Variants in ASTN2 observed in about 807,000 individuals in gnomAD.
ASTN2 encodes the protein astrotactin 2.
Under a neutral mutation model 139.8 loss-of-function variants are expected in ASTN2, and 54 were observed. The observed-to-expected ratio is 0.39, with a 90% confidence interval of 0.31 to 0.48. The LOEUF (loss-of-function observed/expected upper bound fraction) is 0.48. Among genes scored for constraint, ASTN2 ranks in the 20% least tolerant of loss-of-function variants. The pLI, the probability that ASTN2 is intolerant of heterozygous loss-of-function variation, is 0.95. For synonymous variants in ASTN2, 756 were observed against 719.5 expected, an observed-to-expected ratio of 1.05 and a Z score of -0.81; for missense variants, 1,565 against 1,725.1, an observed-to-expected ratio of 0.91 and a Z score of 1.64.
intron 3 of ASTN2, among the ~76,000 whole-genome samples, chr9:117,202,011 A>G (rs568531262): frequency 6.6e-6 from 1 of 152,280 alleles, no homozygotes; most frequent in African/African-American, 2.4e-5. Context: ...TGTTTTATGA[A>G]TCTGGGTGCT....
chr9:117,008,894 C>G (rs989222797), intron 6 of ASTN2, among the ~76,000 whole-genome samples: 1 of 151,928 alleles, frequency 6.6e-6, no homozygotes, highest in Non-Finnish European at 1.5e-5. Flanking sequence ...ATAAGAAAGA[C>G]AGAAAGATAT....
In ASTN2 at chr9:116,925,866, A is replaced by ACG. The variant is rs772432708; in HGVS notation, c.1889+49341_1889+49342insCG. Among the ~76,000 whole-genome samples the ACG allele has an allele frequency of 6.5e-5, 6 of 91,916 alleles. No individual in the cohort carries two copies. The East Asian group carries it at 1.2e-3, about 19-fold the overall frequency. The allele number at this position is 91,916 out of a possible 152,430, so 60.3% of individuals were successfully genotyped here. ...TGCAAGGAGATACACAACACAACAC[A>ACG]CACACACACACACACACACACACAT... is the stretch of plus-strand genomic sequence containing the variant. On this transcript the variant is annotated intron_variant, in intron 10 of 22. Coordinates refer to ENST00000313400, the MANE Select transcript of ASTN2 (RefSeq NM_001365068.1).
At chr9:116,657,714 G>A (rs897272606) in intron 16 of ASTN2, among the ~76,000 whole-genome samples, 1 of 152,146 alleles carries the variant, frequency 6.6e-6, no homozygotes, top group Non-Finnish European at 1.5e-5. Flanking sequence ...GTTGGCACAC[G>A]CCTGTAATCT....
rs7518 is a variant in ASTN2, at chr9:116,425,560, C to T, written c.*291G>A. On this transcript the variant is annotated 3_prime_UTR_variant, in exon 23 of 23. Transcript: ENST00000313400. Reference sequence around the variant, plus strand: ...GGTCTCCACCTGAAAACTTCTGCCTCGGGATTGACAGCCATCCATAAGAAA... The same window carrying T: ...GGTCTCCACCTGAAAACTTCTGCCTTGGGATTGACAGCCATCCATAAGAAA... The T allele has an allele frequency of 0.25, 395,732 of 1,610,896 alleles. 49,631 individuals carry two copies. Among genetic ancestry groups the T allele is most frequent in the Middle Eastern group, 0.31 (1,884 of 6,050 alleles).
At chr9:116,910,828 A>T (rs1834290078) in intron 10 of ASTN2, among the ~76,000 whole-genome samples, 1 of 152,210 alleles carries the variant, frequency 6.6e-6, no homozygotes, top group Non-Finnish European at 1.5e-5. Context: ...GGAGTTTTGC[A>T]TGGAGAGAAG....
intron 1 of ASTN2, among the ~76,000 whole-genome samples, chr9:117,357,558 G>C (rs983908980): frequency 3.3e-5 from 5 of 151,932 alleles, no homozygotes; most frequent in African/African-American, 1.2e-4. Context: ...CCTGGATGCA[G>C]GTGAGCATTT....
chr9:117,045,899 T>G (rs902677411), intron 5 of ASTN2, among the ~76,000 whole-genome samples: 1 of 151,844 alleles, frequency 6.6e-6, no homozygotes, highest in Non-Finnish European at 1.5e-5. Flanking sequence ...GACATTAGGG[T>G]GAAGAAGCCC....
chr9:117,203,758 G>A (rs1042685819), intron 3 of ASTN2, among the ~76,000 whole-genome samples: 5 of 152,146 alleles, frequency 3.3e-5, no homozygotes, highest in African/African-American at 1.2e-4. Flanking sequence ...GACCTTGAGA[G>A]GCACCAACCT....
chr9:117,056,001 C>T (rs1456647612), intron 5 of ASTN2, among the ~76,000 whole-genome samples: 3 of 152,202 alleles, frequency 2.0e-5, no homozygotes, highest in African/African-American at 7.2e-5. Context: ...GGCCCTATGG[C>T]CCACATGAGA....
chr9:116,674,456 G>T (rs186275841), intron 16 of ASTN2, among the ~76,000 whole-genome samples: 148 of 152,288 alleles, frequency 9.7e-4, no homozygotes, highest in East Asian at 2.3e-3. Context: ...CAATTAATCT[G>T]GTCGCCCTCC....
chr9:117,205,868 A>C (rs948454122), intron 3 of ASTN2, among the ~76,000 whole-genome samples: 6 of 152,214 alleles, frequency 3.9e-5, no homozygotes, highest in Non-Finnish European at 8.8e-5. Flanking sequence ...AAAGGAAAAT[A>C]GCTAAATTCC....
chr9:117,077,324 T>A lies in ASTN2; in HGVS notation c.1276+18720A>T, dbSNP rs145387776. 6.0e-3 allele frequency among the ~76,000 whole-genome samples: 917 copies of A among 152,340 alleles called. 5 individuals carry two copies. The highest frequency in any genetic ancestry group is 0.019 in the African/African-American group (782 of 41,582). On this transcript the variant is annotated intron_variant, in intron 5 of 22. Coordinates refer to ENST00000313400, the MANE Select transcript of ASTN2 (RefSeq NM_001365068.1). ...AGTTCTGAGCAAGTGATTTAAACTT[T>A]CCATATTTTAGGGTTCTTATCTGTG...
At chr9:117,171,179 G>GAAAAA (rs1309569139) in intron 3 of ASTN2, among the ~76,000 whole-genome samples, 1 of 151,968 alleles carries the variant, frequency 6.6e-6, no homozygotes, top group Non-Finnish European at 1.5e-5. Flanking sequence ...GAAAAGAAAA[G>GAAAAA]AAAAAATATT....
intron 10 of ASTN2, among the ~76,000 whole-genome samples, chr9:116,868,081 C>T (rs955665317): frequency 2.0e-5 from 3 of 152,210 alleles, no homozygotes; most frequent in East Asian, 3.9e-4. Context: ...TGAGACACTG[C>T]CCTGGGGTAT....
chr9:116,827,137 C>A (rs201821796), intron 11 of ASTN2, among the ~76,000 whole-genome samples: 2 of 151,546 alleles, frequency 1.3e-5, no homozygotes, highest in Non-Finnish European at 2.9e-5. Context: ...TGGAGAAAAC[C>A]CGTCTCTATT....
rs182291080 is a variant in ASTN2, at chr9:116,646,831, G to C, written c.3072+4697C>G. On this transcript the variant is annotated intron_variant, in intron 17 of 22. Transcript: ENST00000313400. ...TGTCTGTTTGCTCTAACTTCTCCTG[G>C]CTTCCCCATTGCCCTGGGGCTAAAC... Among the ~76,000 whole-genome samples, 3 of 152,256 alleles carry C rather than the reference G, an allele frequency of 2.0e-5. No homozygotes were observed. In the East Asian group the frequency reaches 5.8e-4, roughly 29 times the overall value.
intron 19 of ASTN2, among the ~76,000 whole-genome samples, chr9:116,574,529 G>C (rs1046362067): frequency 1.3e-5 from 2 of 152,226 alleles, no homozygotes; most frequent in African/African-American, 4.8e-5. Context: ...CTGCATTTGA[G>C]ATAAGCTGAA....
intron 1 of ASTN2, among the ~76,000 whole-genome samples, chr9:117,335,958 A>G (rs1001522357): frequency 1.3e-5 from 2 of 151,662 alleles, no homozygotes; most frequent in East Asian, 2.0e-4. Context: ...ACATTTAGCA[A>G]TGCTCATAAA....
chr9:117,357,728 T>A (rs1004051997), intron 1 of ASTN2, among the ~76,000 whole-genome samples: 1 of 152,174 alleles, frequency 6.6e-6, no homozygotes. Context: ...CTAACTTAAA[T>A]CCTGCCTATT....
Sources: gnomAD v4.1 joint callset for allele counts (sites outside exome capture counted in the v4.1 genomes callset) on GRCh38, gnomAD v4.1.1 for gene constraint, MANE v1.5 for transcripts, NCBI Gene and HGNC (gene_info 2026-07-23, HGNC 2026-07-21) for gene names.